Variants in CHCT1 observed in about 807,000 individuals in gnomAD.
CHCT1 encodes the protein CHD1 helical C-terminal domain containing 1.
the CHCT1 span, chr17:60,431,318 G>A: frequency 1.5e-6 from 2 of 1,296,920 alleles, no homozygotes; most frequent in Non-Finnish European, 2.2e-6. Context: ...AGAGCACGGG[G>A]AATGGAGACC....
At chr17:60,423,196 C>CTT in the CHCT1 span, among the ~76,000 whole-genome samples, 30 of 144,552 alleles carry the variant, frequency 2.1e-4, no homozygotes, top group African/African-American at 6.8e-4. Context: ...TTTCTTTGTT[C>CTT]TTTTTTTTTT....
the CHCT1 span, among the ~76,000 whole-genome samples, chr17:60,427,527 C>T: frequency 3.9e-5 from 6 of 152,012 alleles, no homozygotes; most frequent in Non-Finnish European, 8.8e-5. Context: ...AAGTGATTCT[C>T]CTGCCACAGC....
At chr17:60,425,883 C>G in the CHCT1 span, 4 of 1,549,780 alleles carry the variant, frequency 2.6e-6, no homozygotes, top group Non-Finnish European at 3.5e-6. Context: ...ACCTTCAAAA[C>G]TGTGAGTAAA....
the CHCT1 span, among the ~76,000 whole-genome samples, chr17:60,423,513 G>A: frequency 2.0e-5 from 3 of 151,878 alleles, no homozygotes; most frequent in Non-Finnish European, 2.9e-5. Context: ...ACCCAGGCTG[G>A]AGTGCAGTGG....
chr17:60,423,501 T>C, the CHCT1 span, among the ~76,000 whole-genome samples: 3 of 151,564 alleles, frequency 2.0e-5, no homozygotes, highest in Admixed American at 1.3e-4. Flanking sequence ...TTTTGCTCTG[T>C]CACCCAGGCT....
chr17:60,424,977 G>A, the CHCT1 span, among the ~76,000 whole-genome samples: 1 of 152,072 alleles, frequency 6.6e-6, no homozygotes, highest in African/African-American at 2.4e-5. Flanking sequence ...TATTATTTCA[G>A]ATCCTACATA....
chr17:60,426,842 A>G, the CHCT1 span: 1 of 1,570,448 alleles, frequency 6.4e-7, no homozygotes, highest in Non-Finnish European at 8.6e-7. Flanking sequence ...ATTCCGCCCG[A>G]GCACAGCTGA....
chr17:60,422,320 C>A, the CHCT1 span: 1 of 664,282 alleles, frequency 1.5e-6, no homozygotes, highest in Non-Finnish European at 2.3e-6. Flanking sequence ...CTGCTGTGCG[C>A]TCTGCCAAAG....
At chr17:60,430,122 C>CTT in the CHCT1 span, among the ~76,000 whole-genome samples, 24 of 64,312 alleles carry the variant, frequency 3.7e-4, no homozygotes, top group African/African-American at 5.3e-4. Context: ...ACGCACCTGG[C>CTT]TTTTTTTTTT....
the CHCT1 span, among the ~76,000 whole-genome samples, chr17:60,424,921 C>T: frequency 6.6e-6 from 1 of 152,060 alleles, no homozygotes; most frequent in African/African-American, 2.4e-5. Flanking sequence ...AACTGCTCTG[C>T]AGATAACAGC....
chr17:60,424,781 G>A, the CHCT1 span, among the ~76,000 whole-genome samples: 2 of 152,112 alleles, frequency 1.3e-5, no homozygotes, highest in East Asian at 1.9e-4. Flanking sequence ...GCTGAGGCAG[G>A]AGAATCGCTT....
chr17:60,423,507 A>C, the CHCT1 span, among the ~76,000 whole-genome samples: 4 of 151,594 alleles, frequency 2.6e-5, no homozygotes, highest in African/African-American at 9.7e-5. Flanking sequence ...TCTGTCACCC[A>C]GGCTGGAGTG....
chr17:60,429,513 G>C, the CHCT1 span: 1 of 1,614,236 alleles, frequency 6.2e-7, no homozygotes, highest in Non-Finnish European at 8.5e-7. Context: ...GGTCAAGGGA[G>C]CCCCCTGCCT....
At chr17:60,429,974 A>G in the CHCT1 span, among the ~76,000 whole-genome samples, 1 of 151,690 alleles carries the variant, frequency 6.6e-6, no homozygotes, top group African/African-American at 2.4e-5. Context: ...AGAGATGCCC[A>G]TCACCATGCC....
At chr17:60,426,787 C>T in the CHCT1 span, 29 of 1,608,944 alleles carry the variant, frequency 1.8e-5, no homozygotes, top group Middle Eastern at 3.3e-4. Context: ...TTTACAAGTA[C>T]ACCAAGAGCA....
the CHCT1 span, chr17:60,421,627 C>T: frequency 1.2e-5 from 12 of 974,140 alleles, no homozygotes; most frequent in Non-Finnish European, 1.5e-5. Flanking sequence ...GGGACCCCGC[C>T]GTGTGCCGCC....
At chr17:60,427,791 G>A in the CHCT1 span, among the ~76,000 whole-genome samples, 2 of 152,150 alleles carry the variant, frequency 1.3e-5, no homozygotes, top group South Asian at 4.2e-4. Flanking sequence ...GTATGATATG[G>A]AAGAGTGCCA....
chr17:60,431,041 A>G, the CHCT1 span: 1 of 601,530 alleles, frequency 1.7e-6, no homozygotes, highest in Non-Finnish European at 2.9e-6. Context: ...GTGAGAAAAA[A>G]CTAAGTGATA....
the CHCT1 span, chr17:60,426,278 C>A: frequency 6.4e-7 from 1 of 1,551,876 alleles, no homozygotes; most frequent in Non-Finnish European, 8.7e-7. Flanking sequence ...CCTAGGGGAC[C>A]ACATCAACAC....
Sources: gnomAD v4.1 joint callset for allele counts (sites outside exome capture counted in the v4.1 genomes callset) on GRCh38, gnomAD v4.1.1 for gene constraint, MANE v1.5 for transcripts, NCBI Gene and HGNC (gene_info 2026-07-23, HGNC 2026-07-21) for gene names.